Variants in MARCHF8 observed in about 807,000 individuals in gnomAD.
MARCHF8 encodes the protein E3 ubiquitin-protein ligase MARCHF8.
In MARCHF8, 40 loss-of-function variants were observed where a neutral mutation model predicts 51.6. The ratio of observed to expected loss-of-function variants is 0.77; its 90% CI spans 0.60 to 1.01. The LOEUF is 1.01. Ranked by LOEUF, MARCHF8 falls within the 50% of genes least tolerant of loss-of-function variation. The pLI, the probability that MARCHF8 is intolerant of heterozygous loss-of-function variation, is 0.00. For missense variants in MARCHF8, 685 were observed against 708.6 expected (o/e 0.97, Z 0.38); for synonymous variants, 263 against 280.3 (o/e 0.94, Z 0.62).
At chr10:45,578,592 C>A (rs1291715992) in intron 1 of MARCHF8, among the ~76,000 whole-genome samples, 3 of 152,046 alleles carry the variant, frequency 2.0e-5, no homozygotes, top group Non-Finnish European at 4.4e-5. Context: ...TGATGAGGAA[C>A]AGGATATTAA....
chr10:45,476,423 C>T (rs941366656), intron 3 of MARCHF8, among the ~76,000 whole-genome samples: 7 of 152,066 alleles, frequency 4.6e-5, no homozygotes, highest in African/African-American at 1.7e-4. Context: ...TAAAAATTAG[C>T]TGGGCATGGT....
chr10:45,461,997 G>A (rs1036353133), intron 5 of MARCHF8: 1 of 152,196 alleles, frequency 6.6e-6, no homozygotes, highest in African/African-American at 2.4e-5. Context: ...ACCACTAATA[G>A]CAATAAGTGA....
At chr10:45,533,088 A>G (rs1449633800) in intron 2 of MARCHF8, 22 bp downstream of exon 2, 29 of 1,565,592 alleles carry the variant, frequency 1.9e-5, no homozygotes, top group East Asian at 2.3e-5. Flanking sequence ...TAATGAAACT[A>G]AAAAAGATAC....
At chr10:45,593,296 T>C (rs1286775571) in intron 1 of MARCHF8, 1 of 151,884 alleles carries the variant, frequency 6.6e-6, no homozygotes. Flanking sequence ...CAAAATCAAT[T>C]AGGAAACTAT....
chr10:45,542,038 A>C (rs1231024182), intron 1 of MARCHF8, among the ~76,000 whole-genome samples: 2 of 152,158 alleles, frequency 1.3e-5, no homozygotes. Context: ...TTACTTATTT[A>C]ACACTAAAAC....
intron 1 of MARCHF8, among the ~76,000 whole-genome samples, chr10:45,593,156 A>C (rs1210741089): frequency 6.7e-6 from 1 of 148,200 alleles, no homozygotes; most frequent in East Asian, 1.9e-4. Context: ...GGTACCACTT[A>C]CAGTACATTC....
intron 5 of MARCHF8, 86 bp from the exon 6 acceptor site, chr10:45,461,497 G>A: frequency 8.3e-7 from 1 of 1,211,340 alleles, no homozygotes; most frequent in South Asian, 2.0e-5. Context: ...TCCCCCCAAA[G>A]GAAACTCAGA....
chr10:45,555,541 C>G (rs1249390505), intron 1 of MARCHF8, among the ~76,000 whole-genome samples: 1 of 151,994 alleles, frequency 6.6e-6, no homozygotes, highest in African/African-American at 2.4e-5. Context: ...AGTTCAAGAC[C>G]AGCCTGGGCA....
intron 1 of MARCHF8, among the ~76,000 whole-genome samples, chr10:45,544,333 T>C (rs1195858877): frequency 6.6e-6 from 1 of 152,162 alleles, no homozygotes; most frequent in Non-Finnish European, 1.5e-5. Context: ...AAGTTAAACA[T>C]AAACTTATCC....
intron 1 of MARCHF8, among the ~76,000 whole-genome samples, chr10:45,576,099 T>A (rs2044486559): frequency 6.6e-6 from 1 of 152,204 alleles, no homozygotes; most frequent in Non-Finnish European, 1.5e-5. Context: ...TTAAACTATC[T>A]GACTTCAAGG....
At chr10:45,550,254 A>G (rs913398418) in intron 1 of MARCHF8, among the ~76,000 whole-genome samples, 8 of 152,228 alleles carry the variant, frequency 5.3e-5, no homozygotes, top group Non-Finnish European at 7.3e-5. Context: ...TAACATTAAT[A>G]AAGATCCAAA....
At chr10:45,546,459 G>A (rs1339335762) in intron 1 of MARCHF8, among the ~76,000 whole-genome samples, 4 of 152,080 alleles carry the variant, frequency 2.6e-5, no homozygotes, top group Non-Finnish European at 5.9e-5. Flanking sequence ...CACAGCGCCC[G>A]GTCATGAGCT....
At chr10:45,575,945 C>T (rs1184690788) in intron 1 of MARCHF8, among the ~76,000 whole-genome samples, 1 of 152,192 alleles carries the variant, frequency 6.6e-6, no homozygotes, top group Non-Finnish European at 1.5e-5. Context: ...CCTTTACCTA[C>T]CCAAATCCTA....
At chr10:45,503,516 G>A (rs577073699) in intron 2 of MARCHF8, among the ~76,000 whole-genome samples, 14 of 148,380 alleles carry the variant, frequency 9.4e-5, no homozygotes, top group Non-Finnish European at 1.9e-4. Flanking sequence ...CCAGCCTGGC[G>A]ACAGAACGAG....
Position 45,533,203 on chromosome 10 carries a change from C to T in MARCHF8, c.9G>A (p.Met3Ile). ...GAATGGCAGAGATCTGATGCAGTGG[C>T]ATGCTCATCCCAACCTCTTATCTGG... Reference protein sequence around the residue: MSMPLHQISAIPS... With the variant: MSIPLHQISAIPS... Residue 3 changes from methionine (M) to isoleucine (I), a missense_variant, in exon 2 of 8, where the codon ATG becomes ATA. Transcript: ENST00000453424. The T allele has an allele frequency of 6.2e-7, 1 of 1,609,918 alleles. No individual in the cohort carries two copies. The highest frequency in any genetic ancestry group is 1.1e-5 in the South Asian group (1 of 90,292).
At chr10:45,580,353 T>C (rs1190214266) in intron 1 of MARCHF8, among the ~76,000 whole-genome samples, 1 of 151,948 alleles carries the variant, frequency 6.6e-6, no homozygotes, top group African/African-American at 2.4e-5. Context: ...TTATAAACAG[T>C]GACTGTTTGA....
intron 2 of MARCHF8, among the ~76,000 whole-genome samples, chr10:45,512,211 C>T (rs1376233875): frequency 1.3e-5 from 2 of 151,286 alleles, no homozygotes; most frequent in Non-Finnish European, 3.0e-5. Flanking sequence ...CTGGCAACCG[C>T]CCCGTCTGAG....
At chr10:45,560,466 A>C (rs548514000) in intron 1 of MARCHF8, among the ~76,000 whole-genome samples, 1 of 152,246 alleles carries the variant, frequency 6.6e-6, no homozygotes, top group Admixed American at 6.5e-5. Flanking sequence ...CACTCCGGGG[A>C]GGGCGACCAT....
intron 2 of MARCHF8, among the ~76,000 whole-genome samples, chr10:45,509,599 A>C (rs1240466663): frequency 6.6e-6 from 1 of 152,226 alleles, no homozygotes; most frequent in African/African-American, 2.4e-5. Context: ...TCATTCAATC[A>C]AATATGACTA....
Sources: gnomAD v4.1 joint callset for allele counts (sites outside exome capture counted in the v4.1 genomes callset) on GRCh38, gnomAD v4.1.1 for gene constraint, MANE v1.5 for transcripts, NCBI Gene and HGNC (gene_info 2026-07-23, HGNC 2026-07-21) for gene names.